Variants in SMIM14 observed in about 807,000 individuals in gnomAD.
The protein encoded by SMIM14 is chromosome 4 open reading frame 34.
Under a neutral mutation model 12.6 loss-of-function variants are expected in SMIM14, and 5 were observed. The observed-to-expected ratio is 0.40, with a 90% confidence interval of 0.21 to 0.83. SMIM14 has a LOEUF of 0.83. SMIM14 is among the 40% of genes least tolerant of loss of function. The pLI is 0.37. For synonymous variants in SMIM14, 30 were observed against 40.1 expected (o/e 0.75, Z 0.95); for missense variants, 86 against 119.1 (o/e 0.72, Z 1.29).
chr4:39,619,862 A>ATGTATATATATATTTATATATATT (rs1715405957), intron 1 of SMIM14, among the ~76,000 whole-genome samples: 1 of 64,574 alleles, frequency 1.5e-5, no homozygotes, highest in East Asian at 5.9e-4. Flanking sequence ...ATATATATTT[A>ATGTATATATATATTTATATATATT]TATATATATA....
chr4:39,573,898 TG>T, intron 2 of SMIM14, among the ~76,000 whole-genome samples: 1 of 152,186 alleles, frequency 6.6e-6, no homozygotes, highest in Non-Finnish European at 1.5e-5. Context: ...TAGAATCATG[TG>T]ATTATCAATT....
chr4:39,597,085 C>CT (rs35373264), intron 2 of SMIM14, among the ~76,000 whole-genome samples: 5,437 of 133,366 alleles, frequency 0.041, 342 homozygotes, highest in African/African-American at 0.13. Flanking sequence ...CCAGGTTTCC[C>CT]TTTTTTTTTT....
intron 1 of SMIM14, 137 bp from the exon 2 acceptor site, chr4:39,605,317 ATTAAT>A (rs1474568220): frequency 1.9e-5 from 10 of 514,296 alleles, no homozygotes; most frequent in South Asian, 6.6e-5. Flanking sequence ...ACTTGTATCT[ATTAAT>A]TTATTATTAA....
chr4:39,622,615 C>G (rs1285776732), intron 1 of SMIM14, among the ~76,000 whole-genome samples: 1 of 152,044 alleles, frequency 6.6e-6, no homozygotes, highest in Non-Finnish European at 1.5e-5. Flanking sequence ...TGGCCAGGCT[C>G]GTCTGAAACT....
intron 1 of SMIM14, among the ~76,000 whole-genome samples, chr4:39,627,640 A>C (rs576485571): frequency 6.6e-6 from 1 of 152,292 alleles, no homozygotes; most frequent in African/African-American, 2.4e-5. Context: ...CCCTTAGCCC[A>C]AGTTCTCTGT....
At chr4:39,566,123 AGAT>A (rs1712562003) in intron 3 of SMIM14, among the ~76,000 whole-genome samples, 1 of 150,744 alleles carries the variant, frequency 6.6e-6, no homozygotes, top group Admixed American at 6.7e-5. Flanking sequence ...TTAACATACG[AGAT>A]GATGATGGCC....
At chr4:39,631,538 A>T (rs554055849) in intron 1 of SMIM14, among the ~76,000 whole-genome samples, 1 of 152,156 alleles carries the variant, frequency 6.6e-6, no homozygotes, top group Admixed American at 6.5e-5. Context: ...AGGTACCTGT[A>T]GTCCCAGCTA....
chr4:39,615,073 A>G (rs770630394), intron 1 of SMIM14, among the ~76,000 whole-genome samples: 31 of 152,166 alleles, frequency 2.0e-4, no homozygotes, highest in Non-Finnish European at 4.0e-4. Flanking sequence ...GGGAGTTAAA[A>G]TAGCCGATAG....
At chr4:39,623,860 T>C (rs1715595222) in intron 1 of SMIM14, among the ~76,000 whole-genome samples, 2 of 152,008 alleles carry the variant, frequency 1.3e-5, no homozygotes, top group Middle Eastern at 3.4e-3. Flanking sequence ...AGACTCCATC[T>C]GAAAAAATGA....
intron 1 of SMIM14, among the ~76,000 whole-genome samples, chr4:39,605,741 GTTGTT>G (rs950255923): frequency 3.3e-5 from 5 of 152,030 alleles, no homozygotes; most frequent in Non-Finnish European, 5.9e-5. Flanking sequence ...GTTTTTTGCT[GTTGTT>G]TTGTTTTGTT....
intron 1 of SMIM14, among the ~76,000 whole-genome samples, chr4:39,631,440 C>T (rs573834444): frequency 9.2e-5 from 14 of 151,572 alleles, no homozygotes; most frequent in African/African-American, 2.2e-4. Flanking sequence ...GGGCGGATCA[C>T]GAGGTCAGGA....
At chr4:39,630,213 G>C (rs1560311534) in intron 1 of SMIM14, among the ~76,000 whole-genome samples, 1 of 152,006 alleles carries the variant, frequency 6.6e-6, no homozygotes, top group Non-Finnish European at 1.5e-5. Flanking sequence ...AGCCTGCCAA[G>C]GTGGTGAAAC....
chr4:39,594,247 C>T (rs1343844651), intron 2 of SMIM14: 4 of 152,104 alleles, frequency 2.6e-5, no homozygotes, highest in Admixed American at 6.6e-5. Flanking sequence ...GAAATAACGC[C>T]GCATATCTAC....
chr4:39,631,565 A>G (rs1290007142), intron 1 of SMIM14, among the ~76,000 whole-genome samples: 1 of 152,054 alleles, frequency 6.6e-6, no homozygotes. Context: ...AGGCTGAGGC[A>G]GGAGAATGGC....
chr4:39,563,377 G>A (rs2109993895), intron 3 of SMIM14, among the ~76,000 whole-genome samples: 1 of 152,216 alleles, frequency 6.6e-6, no homozygotes, highest in South Asian at 2.1e-4. Context: ...TCTTTCTCTA[G>A]CCAAGGATTC....
rs1394097398 is a variant in SMIM14 at position 39,619,872 on chromosome 4, A to T, written c.-35-14692T>A. Among the ~76,000 whole-genome samples, 100 of 82,240 alleles carry T rather than the reference A, an allele frequency of 1.2e-3. 1 individual carries two copies. Among genetic ancestry groups the T allele is most frequent in the Non-Finnish European group, 1.9e-3 (78 of 41,722 alleles). The allele number at this position is 82,240 out of a possible 152,430, so 54.0% of individuals were successfully genotyped here. On this transcript the variant is annotated intron_variant, in intron 1 of 4. Transcript: ENST00000295958. ...TATTTATATATATTTATATATATAT[A>T]TATATTTTTTTTTTTTTAAGAGCAA...
chr4:39,616,882 G>A (rs1261117416), intron 1 of SMIM14, among the ~76,000 whole-genome samples: 1 of 152,036 alleles, frequency 6.6e-6, no homozygotes, highest in African/African-American at 2.4e-5. Flanking sequence ...CCTAAGAAAT[G>A]AGTCAGAATT....
chr4:39,615,031 ACTCCAGCT>A (rs568401655), intron 1 of SMIM14, among the ~76,000 whole-genome samples: 13 of 152,098 alleles, frequency 8.5e-5, no homozygotes, highest in African/African-American at 3.1e-4. Context: ...AACCTTAAAC[ACTCCAGCT>A]CATGCAAGTC....
At chr4:39,570,561 G>T (rs1171351934) in intron 3 of SMIM14, among the ~76,000 whole-genome samples, 1 of 152,186 alleles carries the variant, frequency 6.6e-6, no homozygotes, top group African/African-American at 2.4e-5. Flanking sequence ...TTATTCAAGT[G>T]TTGTTTATAA....
Sources: allele counts gnomAD v4.1 joint callset (sites outside exome capture counted in the v4.1 genomes callset), GRCh38; gene constraint gnomAD v4.1.1; transcripts MANE v1.5; gene names NCBI Gene and HGNC (gene_info 2026-07-23, HGNC 2026-07-21).